The following LAMB1 variants were observed in gnomAD, a reference collection of about 807,000 sequenced individuals.
LAMB1 encodes laminin subunit beta-1.
LAMB1 carries 121 observed loss-of-function variants against 222.3 expected under a neutral mutation model. That is an observed-to-expected ratio of 0.54 (90% confidence interval 0.47 to 0.63). LAMB1 has a LOEUF of 0.63. Among genes scored for constraint, LAMB1 ranks in the 30% least tolerant of loss-of-function variants. LAMB1 has a pLI of 0.00. For synonymous variants in LAMB1, 794 were observed against 807.2 expected (o/e 0.98, Z 0.28); for missense variants, 2,172 against 2,240.8 (o/e 0.97, Z 0.62).
chr7:107,974,867 A>G (rs1365823445), intron 12 of LAMB1, 119 bp downstream of exon 12: 5 of 650,674 alleles, frequency 7.7e-6, no homozygotes, highest in African/African-American at 1.8e-5. Flanking sequence ...TTGTCTACTC[A>G]TGTCTTTTAA....
chr7:107,976,622 T>G (rs2033861976), intron 9 of LAMB1, among the ~76,000 whole-genome samples: 1 of 152,130 alleles, frequency 6.6e-6, no homozygotes, highest in Non-Finnish European at 1.5e-5. Flanking sequence ...CACAACAGCC[T>G]GCAGAAGAGG....
At chr7:107,972,185 C>T (rs1026202940) in intron 13 of LAMB1, among the ~76,000 whole-genome samples, 1 of 152,180 alleles carries the variant, frequency 6.6e-6, no homozygotes, top group African/African-American at 2.4e-5. Flanking sequence ...AGGACAAACA[C>T]AACATGTTCT....
chr7:107,935,250 C>T (rs1404768118), intron 27 of LAMB1, 165 bp downstream of exon 27: 1 of 996,304 alleles, frequency 1.0e-6, no homozygotes, highest in South Asian at 1.7e-5. Flanking sequence ...ACAGATACCC[C>T]ATTCCAGGAT....
rs2032940577 is a variant in LAMB1, at chr7:107,940,000, A to G, written c.3750T>C (p.Phe1250=). The G allele has an allele frequency of 6.2e-7, 1 of 1,613,476 alleles. No individual in the cohort carries two copies. Among genetic ancestry groups the G allele is most frequent in the Middle Eastern group, 1.7e-4 (1 of 6,060 alleles). ...AEPLKNIGNL[F]EEAEKLIKDV... ...CATTAACTACTTACTCTGCTTCCTC[A>G]AAGAGATTCCCAATGTTTTTCAGTG... The change falls in exon 25 of 34, where the codon TTT becomes TTC. Residue 1250 remains phenylalanine (F), a synonymous_variant. Coordinates refer to ENST00000222399, the MANE Select transcript of LAMB1 (RefSeq NM_002291.3).
intron 27 of LAMB1, among the ~76,000 whole-genome samples, chr7:107,933,378 C>T (rs2032758179): frequency 6.6e-6 from 1 of 152,010 alleles, no homozygotes; most frequent in African/African-American, 2.4e-5. Context: ...ACTATTTAGC[C>T]TAATAATTTT....
chr7:107,935,724 T>C, intron 26 of LAMB1, 68 bp from the exon 27 acceptor site: 1 of 1,543,696 alleles, frequency 6.5e-7, no homozygotes. Context: ...AAGCAGTGTC[T>C]ATATTTGGTG....
intron 4 of LAMB1, among the ~76,000 whole-genome samples, chr7:107,997,317 G>A (rs2034298336): frequency 6.6e-6 from 1 of 152,184 alleles, no homozygotes; most frequent in African/African-American, 2.4e-5. Flanking sequence ...CAGCTACTCA[G>A]GAGGCTGAGG....
chr7:107,925,147 G>C (rs749127455), intron 32 of LAMB1, among the ~76,000 whole-genome samples: 2 of 152,192 alleles, frequency 1.3e-5, no homozygotes, highest in African/African-American at 4.8e-5. Flanking sequence ...AACCTAGAGA[G>C]AGGTAGGGAA....
chr7:107,941,625 G>A (rs2032983311), intron 24 of LAMB1, among the ~76,000 whole-genome samples: 2 of 150,746 alleles, frequency 1.3e-5, no homozygotes. Flanking sequence ...GTCAACTGTG[G>A]CAAAGCACAA....
intron 12 of LAMB1, among the ~76,000 whole-genome samples, chr7:107,974,374 T>C (rs1001718120): frequency 2.6e-5 from 4 of 151,906 alleles, no homozygotes; most frequent in Non-Finnish European, 5.9e-5. Flanking sequence ...TTTTTAAATA[T>C]AGCAAGCAGC....
chr7:108,003,087 G>C (rs1411424147), intron 1 of LAMB1, 24 bp downstream of exon 1: 3 of 1,193,662 alleles, frequency 2.5e-6, no homozygotes, highest in Non-Finnish European at 3.4e-6. Context: ...GGGGAAAATC[G>C]TGCAGCCACT....
chr7:107,948,414 G>C (rs2033175052), intron 24 of LAMB1, among the ~76,000 whole-genome samples: 1 of 152,198 alleles, frequency 6.6e-6, no homozygotes, highest in Non-Finnish European at 1.5e-5. Flanking sequence ...GATAAGGTTG[G>C]AGAGATGACA....
intron 24 of LAMB1, 84 bp from the exon 25 acceptor site, chr7:107,940,442 CTG>C (rs763186929): frequency 1.6e-5 from 22 of 1,413,474 alleles, no homozygotes; most frequent in Non-Finnish European, 2.1e-5. Context: ...ACTCACTTCA[CTG>C]TGAAAATGGG....
In LAMB1 at chr7:107,963,063, C is replaced by T. The variant is rs761900453; in HGVS notation, c.1699G>A (p.Gly567Arg). ...TATTGCCGCTCCACTATGCTAACCC[C>T]CTGAGGGCATGGCAAACAATGGTTA... ...YEAEEANLGP[G>R]VSIVERQYIQ... The change falls in exon 15 of 34, where the codon GGG becomes AGG. Residue 567 changes from glycine (G) to arginine (R), a missense_variant and splice_region_variant. Transcript: ENST00000222399. 4 of 1,601,252 alleles carry T rather than the reference C, an allele frequency of 2.5e-6. No individual in the cohort carries two copies. The East Asian group carries it at 8.9e-5, about 36-fold the overall frequency.
intron 29 of LAMB1, among the ~76,000 whole-genome samples, chr7:107,930,814 G>A (rs977532329): frequency 8.5e-5 from 13 of 152,122 alleles, no homozygotes; most frequent in African/African-American, 1.9e-4. Flanking sequence ...TATGTGGGTC[G>A]CAGACCCAGG....
At chr7:107,941,357 C>T (rs931435181) in intron 24 of LAMB1, among the ~76,000 whole-genome samples, 3 of 152,196 alleles carry the variant, frequency 2.0e-5, no homozygotes, top group East Asian at 1.9e-4. Flanking sequence ...AACATCTTAT[C>T]GCTGGGCTTC....
chr7:107,929,095 T>A lies in LAMB1; in HGVS notation c.4856A>T (p.Asp1619Val). 6.2e-7 allele frequency: 1 copy of A among 1,614,056 alleles called. No individual in the cohort carries two copies. The highest frequency in any genetic ancestry group is 1.7e-5 in the Admixed American group (1 of 60,018). The change falls in exon 31 of 34, where the codon GAC becomes GTC. Residue 1619 changes from aspartate to valine, a missense_variant. By Grantham distance (152) the Asp-to-Val change is radical (BLOSUM62 -3). Coordinates refer to ENST00000222399, the MANE Select transcript of LAMB1 (RefSeq NM_002291.3). ...TAACAGGTTCTGGGTTCCTTGAATGTCTTCATCTGCTTGTTTAATTGCCTT... is the reference window on the plus strand; with the variant it reads ...TAACAGGTTCTGGGTTCCTTGAATGACTTCATCTGCTTGTTTAATTGCCTT... The part of the protein sequence containing the change: ...AEKAIKQADE[D>V]IQGTQNLLTS...
intron 7 of LAMB1, among the ~76,000 whole-genome samples, chr7:107,983,982 C>A (rs2034023488): frequency 6.6e-6 from 1 of 152,188 alleles, no homozygotes; most frequent in East Asian, 1.9e-4. Context: ...GTAATAACAT[C>A]CAACTCTATA....
rs572642777 is a variant in LAMB1, at chr7:107,980,905, G to A, written c.677-94C>T. 8 of 713,640 alleles carry A rather than the reference G, an allele frequency of 1.1e-5. No individual in the cohort carries two copies. In the South Asian group the frequency reaches 1.3e-4, roughly 11 times the overall value. The allele number at this position is 713,640 out of a possible 1,614,324, so 44.2% of individuals were successfully genotyped here. A position where few individuals can be genotyped will look rare whatever the true frequency, so the allele number is the denominator to read the frequency against. Reference sequence around the variant, plus strand: ...ATCATTTCTTTTTAGAGAAAGGCATGACACATGAAAATAGCTTAAGTTCCT... The same window carrying A: ...ATCATTTCTTTTTAGAGAAAGGCATAACACATGAAAATAGCTTAAGTTCCT... On this transcript the variant is annotated intron_variant, in intron 7 of 33. Coordinates refer to ENST00000222399, the MANE Select transcript of LAMB1 (RefSeq NM_002291.3).
Sources: allele counts gnomAD v4.1 joint callset (sites outside exome capture counted in the v4.1 genomes callset), GRCh38; gene constraint gnomAD v4.1.1; transcripts MANE v1.5; gene names NCBI Gene and HGNC (gene_info 2026-07-23, HGNC 2026-07-21).